NME4: variants seen among roughly 807,000 people sequenced by gnomAD.
NME4 encodes nucleoside diphosphate kinase D, mitochondrial.
Under a neutral mutation model 16.4 loss-of-function variants are expected in NME4, and 21 were observed. The ratio of observed to expected loss-of-function variants is 1.28; its 90% CI spans 0.91 to 1.84. The LOEUF (loss-of-function observed/expected upper bound fraction) is 1.84. Ranked by LOEUF, NME4 falls within the 40% of genes most tolerant of loss-of-function variation. The pLI, the probability that NME4 is intolerant of heterozygous loss-of-function variation, is 0.00. For synonymous variants in NME4, 132 were observed against 107.5 expected, an observed-to-expected ratio of 1.23 and a Z score of -1.41; for missense variants, 316 against 261.3, an observed-to-expected ratio of 1.21 and a Z score of -1.44.
At position 399,428 on chromosome 16, in the gene NME4, C is replaced by T; in HGVS notation, c.275C>T (p.Pro92Leu). 2 of 1,613,000 alleles carry T rather than the reference C, an allele frequency of 1.2e-6. No individual in the cohort carries two copies. The highest frequency in any genetic ancestry group is 1.7e-6 in the Non-Finnish European group (2 of 1,179,968). Residue 92 changes from proline (P) to leucine (L), a missense_variant, in exon 3 of 5, where the codon CCC (proline) becomes CTC (leucine). By Grantham distance (98) the Pro-to-Leu change is moderately conservative. Transcript: ENST00000219479. The part of the protein sequence containing the change: ...AEHYQDLRRK[P>L]FYPALIRYMS... ...CACTACCAGGACCTGCGGAGGAAGCCCTTCTACCCTGCCCTCATCCGCTAC... is the reference window on the plus strand; with the variant it reads ...CACTACCAGGACCTGCGGAGGAAGCTCTTCTACCCTGCCCTCATCCGCTAC...
chr16:398,315 G>A lies in NME4; in HGVS notation c.92-675G>A, dbSNP rs928158122. ...CAGCACAGGCCCCGTCTCCTGGCTC[G>A]GACAGAACCCTGCTACCTTCCCTCT... On this transcript the variant is annotated intron_variant, in intron 1 of 4. Coordinates refer to ENST00000219479, the MANE Select transcript of NME4 (RefSeq NM_005009.3). The A allele has an allele frequency of 1.7e-5, 22 of 1,330,426 alleles. No individual in the cohort carries two copies. In the Admixed American group the frequency reaches 2.5e-4, roughly 15 times the overall value. 82.4% of individuals were successfully genotyped at this position (1,330,426 alleles called of 1,614,324 possible).
intron 1 of NME4, chr16:397,848 C>G (rs778062618): frequency 4.5e-6 from 7 of 1,545,600 alleles, no homozygotes; most frequent in Non-Finnish European, 6.1e-6. Context: ...GCCCCCCCAG[C>G]TGCCACCTCA....
In NME4 at chr16:399,500, G is replaced by T. The variant is rs755344103; in HGVS notation, c.327+20G>T. ...GCCATGGTACGGCAGGGCAGGGGTG[G>T]TGGAAGGGCCTGTGGGTAAAGGGCG... On this transcript the variant is annotated intron_variant, in intron 3 of 4. Coordinates refer to ENST00000219479, the MANE Select transcript of NME4 (RefSeq NM_005009.3). 1 of 1,609,724 alleles carries T rather than the reference G, an allele frequency of 6.2e-7. No individual in the cohort carries two copies. The highest frequency in any genetic ancestry group is 2.2e-5 in the East Asian group (1 of 44,854).
intron 1 of NME4, chr16:397,985 GAACA>G: frequency 2.6e-6 from 4 of 1,543,042 alleles, no homozygotes; most frequent in Non-Finnish European, 2.6e-6. Flanking sequence ...GGTTTTGGGG[GAACA>G]AACCAACCAG....
chr16:399,242 G>A, intron 2 of NME4, 119 bp downstream of exon 2: 1 of 1,463,790 alleles, frequency 6.8e-7, no homozygotes, highest in Non-Finnish European at 9.6e-7. Flanking sequence ...TGAAGGGGCA[G>A]GAGGGATCTA....
rs143045783 is a variant in NME4, at chr16:400,238, G to A, written c.460G>A (p.Asp154Asn). ...HISRNVIHAS[D>N]SVEGAQREIQ... The stretch of plus-strand genomic sequence containing the variant: ...GCACAGGAATGTCATCCACGCCAGC[G>A]ACTCCGTGGAGGGGGCCCAGCGGGA... Residue 154 changes from aspartate to asparagine, a missense_variant, in exon 5 of 5, where the codon GAC (aspartate) becomes AAC (asparagine). Asp to Asn is a conservative substitution (Grantham distance 23). Coordinates refer to ENST00000219479, the MANE Select transcript of NME4 (RefSeq NM_005009.3). 241 of 1,604,762 alleles carry A rather than the reference G, an allele frequency of 1.5e-4. No homozygotes were observed. Among genetic ancestry groups the A allele is most frequent in the African/African-American group, 1.5e-4 (11 of 74,804 alleles).
chr16:400,471 C>A lies in NME4; in HGVS notation c.*129C>A. 8.1e-7 allele frequency: 1 copy of A among 1,238,360 alleles called. No individual in the cohort carries two copies. The highest frequency in any genetic ancestry group is 2.5e-5 in the East Asian group (1 of 39,646). 76.7% of individuals were successfully genotyped at this position (1,238,360 alleles called of 1,614,324 possible). On this transcript the variant is annotated 3_prime_UTR_variant, in exon 5 of 5. Transcript: ENST00000219479. ...TTCCCTGTTCACCTCTGCCCCACCC[C>A]AGCCCAGAGGAGTTTGAGCCACCAA...
intron 1 of NME4, 79 bp downstream of exon 1, chr16:397,392 T>A: frequency 1.9e-6 from 1 of 527,882 alleles, no homozygotes; most frequent in Non-Finnish European, 2.5e-6. Flanking sequence ...TGCGCGCACG[T>A]GCGGGCTGGG....
intron 4 of NME4, 24 bp from the exon 5 acceptor site, chr16:400,195 C>CA: frequency 6.2e-7 from 1 of 1,611,430 alleles, no homozygotes; most frequent in Non-Finnish European, 8.5e-7. Flanking sequence ...GCCTGAGCCT[C>CA]ACATTGCTCC....
At position 400,597 on chromosome 16, in the gene NME4, TATC is replaced by T. The variant is rs769243297; in HGVS notation, c.*258_*260del. ...TTGTGGTGGGGGGGGGTCTTCACAT[TATC>T]ATAACCTCTCCTCTAAAGGGGAGGC... On this transcript the variant is annotated 3_prime_UTR_variant, in exon 5 of 5. Coordinates refer to ENST00000219479, the MANE Select transcript of NME4 (RefSeq NM_005009.3). The T allele has an allele frequency of 2.3e-3, 1,073 of 460,246 alleles. 1 individual carries two copies. Among genetic ancestry groups the T allele is most frequent in the Non-Finnish European group, 3.2e-3 (835 of 260,130 alleles). 28.5% of individuals were successfully genotyped at this position (460,246 alleles called of 1,614,324 possible).
At chr16:398,871 C>T in intron 1 of NME4, 119 bp from the exon 2 acceptor site, 1 of 1,374,092 alleles carries the variant, frequency 7.3e-7, no homozygotes, top group Non-Finnish European at 1.0e-6. Flanking sequence ...TTCCAGAGTG[C>T]CCTGCATAGA....
At position 399,747 on chromosome 16, in the gene NME4, G is replaced by A. The variant is rs780781529; in HGVS notation, c.440+8G>A. 3 of 1,607,940 alleles carry A rather than the reference G, an allele frequency of 1.9e-6. No homozygotes were observed. The African/African-American group carries it at 4.0e-5, about 21-fold the overall frequency. On this transcript the variant is annotated splice_region_variant and intron_variant, in intron 4 of 4. Transcript: ENST00000219479. ...CAGCGTCCACATCAGCAGGTACGGG[G>A]GTCCTGATACACCAGGCTGCTGCTG...
intron 1 of NME4, chr16:398,238 G>T: frequency 7.0e-7 from 1 of 1,425,764 alleles, no homozygotes; most frequent in South Asian, 1.2e-5. Flanking sequence ...GGCTGGGGCG[G>T]AGCTCAGCGC....
intron 1 of NME4, 45 bp from the exon 2 acceptor site, chr16:398,945 T>A: frequency 6.2e-7 from 1 of 1,604,752 alleles, no homozygotes; most frequent in Non-Finnish European, 8.5e-7. Flanking sequence ...CGTGGGGACG[T>A]GAAAGGGTGA....
At position 399,670 on chromosome 16, in the gene NME4, T is replaced by C. The variant is rs1273498720; in HGVS notation, c.371T>C (p.Ile124Thr). 3 of 1,613,192 alleles carry C rather than the reference T, an allele frequency of 1.9e-6. No individual in the cohort carries two copies. In the East Asian group the frequency reaches 6.7e-5, roughly 36 times the overall value. The change falls in exon 4 of 5, where the codon ATT (isoleucine) becomes ACT (threonine). Residue 124 changes from isoleucine to threonine, a missense_variant. Coordinates refer to ENST00000219479, the MANE Select transcript of NME4 (RefSeq NM_005009.3). Reference protein sequence around the residue: ...YNVVRASRAMIGHTDSAEAAP... With the variant: ...YNVVRASRAMTGHTDSAEAAP... ...GTCGTCCGCGCCTCGAGGGCCATGA[T>C]TGGACACACCGACTCGGCTGAGGCT...
chr16:400,124 C>A (rs767767925), intron 4 of NME4, 95 bp from the exon 5 acceptor site: 1 of 1,547,516 alleles, frequency 6.5e-7, no homozygotes, highest in Non-Finnish European at 8.8e-7. Flanking sequence ...GGCTTGCTCC[C>A]CTAGACAGAG....
intron 4 of NME4, 74 bp from the exon 5 acceptor site, chr16:400,145 G>C: frequency 6.2e-7 from 1 of 1,602,612 alleles, no homozygotes. Context: ...GGCAACGGGA[G>C]CAGCAGATGG....
intron 1 of NME4, 120 bp from the exon 2 acceptor site, chr16:398,870 G>C (rs1321658319): frequency 2.1e-5 from 29 of 1,362,926 alleles, no homozygotes; most frequent in Non-Finnish European, 2.5e-5. Flanking sequence ...CTTCCAGAGT[G>C]CCCTGCATAG....
chr16:400,345 C>T lies in NME4; in HGVS notation c.*3C>T. ...ACAGCAGCATCCACCCAGCCTGAGG[C>T]TCAAGCTGCCCTTACCACCCCATCC... On this transcript the variant is annotated 3_prime_UTR_variant, in exon 5 of 5. Coordinates refer to ENST00000219479, the MANE Select transcript of NME4 (RefSeq NM_005009.3). The T allele has an allele frequency of 1.3e-6, 2 of 1,599,626 alleles. No individual in the cohort carries two copies. The highest frequency in any genetic ancestry group is 8.5e-7 in the Non-Finnish European group (1 of 1,177,928).
Sources: allele counts gnomAD v4.1 joint callset, GRCh38; gene constraint gnomAD v4.1.1; transcripts MANE v1.5; gene names NCBI Gene and HGNC (gene_info 2026-07-23, HGNC 2026-07-21).